Variants in GPA33 observed in about 807,000 individuals in gnomAD.
GPA33 encodes the protein glycoprotein A33, also known as cell surface A33 antigen.
In GPA33, 27 loss-of-function variants were observed where a neutral mutation model predicts 35.6. That is an observed-to-expected ratio of 0.76 (90% confidence interval 0.56 to 1.04). The LOEUF is 1.04. GPA33 is among the 50% of genes least tolerant of loss of function. The pLI is 0.00. For missense variants in GPA33, 428 were observed against 411.9 expected, an observed-to-expected ratio of 1.04 and a Z score of -0.34; for synonymous variants, 176 against 164.0, an observed-to-expected ratio of 1.07 and a Z score of -0.56.
intron 3 of GPA33, 100 bp from the exon 4 acceptor site, chr1:167,063,837 T>C: frequency 1.2e-6 from 1 of 805,224 alleles, no homozygotes; most frequent in South Asian, 1.7e-5. Flanking sequence ...TATACTGCCT[T>C]GTTTGTTCAC....
chr1:167,074,523 T>C (rs939451481), intron 1 of GPA33, among the ~76,000 whole-genome samples: 1 of 152,304 alleles, frequency 6.6e-6, no homozygotes, highest in African/African-American at 2.4e-5. Context: ...TGCAGATCCC[T>C]GCCCAAATTG....
chr1:167,083,854 G>C (rs1472993590), intron 1 of GPA33, among the ~76,000 whole-genome samples: 2 of 152,134 alleles, frequency 1.3e-5, no homozygotes, highest in African/African-American at 4.8e-5. Context: ...TTTCTTGGGG[G>C]TGTATGATTC....
intron 4 of GPA33, among the ~76,000 whole-genome samples, chr1:167,056,782 T>G (rs2102167768): frequency 1.6e-3 from 1 of 644 alleles, no homozygotes; most frequent in African/African-American, 6.7e-3. Context: ...GTGTGGCATG[T>G]GTAGTGTGGT....
At chr1:167,063,490 T>C (rs903857659) in intron 4 of GPA33, 92 bp downstream of exon 4, 1 of 1,163,326 alleles carries the variant, frequency 8.6e-7, no homozygotes, top group Non-Finnish European at 1.2e-6. Context: ...CAGGGGGATC[T>C]GATCGGTCAA....
intron 3 of GPA33, among the ~76,000 whole-genome samples, chr1:167,065,664 C>G (rs1309269816): frequency 6.6e-6 from 1 of 152,176 alleles, no homozygotes; most frequent in African/African-American, 2.4e-5. Flanking sequence ...CCCCTCTAGC[C>G]CAGCAGCCAC....
chr1:167,055,304 C>T (rs774019939), intron 5 of GPA33, among the ~76,000 whole-genome samples, 193 bp from the exon 6 acceptor site: 1 of 152,208 alleles, frequency 6.6e-6, no homozygotes, highest in Non-Finnish European at 1.5e-5. Flanking sequence ...TGGTCCACTT[C>T]ACATCTTAAC....
Position 167,068,120 on chromosome 1 carries a change from TATTA to T in GPA33, c.415+798_415+801del, listed in dbSNP as rs1666639231. 1.3e-4 allele frequency among the ~76,000 whole-genome samples: 20 copies of T among 150,658 alleles called. No individual in the cohort carries two copies. The South Asian group carries it at 4.1e-3, about 31-fold the overall frequency. On this transcript the variant is annotated intron_variant, in intron 3 of 6. Coordinates refer to ENST00000367868, the MANE Select transcript of GPA33 (RefSeq NM_005814.3). Reference sequence around the variant, plus strand: ...AAATAAATTTAATTTAAATTAAACATATTAATTAAAAATAAAATGCAATCAATTA... The same window carrying T: ...AAATAAATTTAATTTAAATTAAACATATTAAAAATAAAATGCAATCAATTA...
chr1:167,086,301 T>C (rs976300827), intron 1 of GPA33, among the ~76,000 whole-genome samples: 1 of 152,236 alleles, frequency 6.6e-6, no homozygotes, highest in African/African-American at 2.4e-5. Context: ...ACAGAGCAGA[T>C]GGTGGGCGGG....
intron 1 of GPA33, among the ~76,000 whole-genome samples, chr1:167,079,201 G>GA (rs1002268349): frequency 5.3e-5 from 8 of 152,102 alleles, no homozygotes; most frequent in African/African-American, 1.9e-4. Context: ...AGCTCATAAA[G>GA]AAAAAAACCA....
At chr1:167,067,527 T>A (rs1002293733) in intron 3 of GPA33, among the ~76,000 whole-genome samples, 2 of 152,146 alleles carry the variant, frequency 1.3e-5, no homozygotes, top group Non-Finnish European at 2.9e-5. Flanking sequence ...AATGCTTATG[T>A]GGAGGATTTC....
chr1:167,079,048 G>A (rs1380149810), intron 1 of GPA33, among the ~76,000 whole-genome samples: 3 of 152,088 alleles, frequency 2.0e-5, no homozygotes, highest in East Asian at 1.9e-4. Context: ...CACCATGGGT[G>A]AGCTGTCAAA....
chr1:167,063,756 A>G lies in GPA33; in HGVS notation c.416-19T>C. ...GGTGGCACTATATAGAGGAGAGACCAAAGAGAAGGCATGAGGCAGGTGGGG... is the reference window on the plus strand; with the variant it reads ...GGTGGCACTATATAGAGGAGAGACCGAAGAGAAGGCATGAGGCAGGTGGGG... On this transcript the variant is annotated intron_variant, in intron 3 of 6. Transcript: ENST00000367868. The G allele has an allele frequency of 6.2e-7, 1 of 1,605,730 alleles. No homozygotes were observed. Among genetic ancestry groups the G allele is most frequent in the Non-Finnish European group, 8.5e-7 (1 of 1,175,564 alleles).
chr1:167,088,476 G>T (rs1384380385), intron 1 of GPA33, among the ~76,000 whole-genome samples: 1 of 152,210 alleles, frequency 6.6e-6, no homozygotes, highest in Non-Finnish European at 1.5e-5. Context: ...AGGAAGAAAA[G>T]TTGGTGGGCA....
chr1:167,054,362 C>T lies in GPA33; in HGVS notation c.932G>A (p.Arg311His), dbSNP rs770285244. 35 of 1,613,990 alleles carry T rather than the reference C, an allele frequency of 2.2e-5. No individual in the cohort carries two copies. Among genetic ancestry groups the T allele is most frequent in the South Asian group, 1.3e-4 (12 of 91,094 alleles). ...CTGGTCGAGGTGGTCCGGGGATTCA[C>T]GCCCAGTGCTCCTCTGCTCTTCTTG... ...YRQEEQRSTGRESPDHLDQ is the reference protein window; with the variant it reads ...YRQEEQRSTGHESPDHLDQ Residue 311 changes from arginine to histidine, a missense_variant, in exon 7 of 7, where the codon CGT becomes CAT. Coordinates refer to ENST00000367868, the MANE Select transcript of GPA33 (RefSeq NM_005814.3).
intron 1 of GPA33, among the ~76,000 whole-genome samples, chr1:167,087,558 G>T (rs913723380): frequency 6.6e-6 from 1 of 152,118 alleles, no homozygotes; most frequent in Admixed American, 6.5e-5. Flanking sequence ...AGGGACGGGT[G>T]GAACATTTCC....
intron 6 of GPA33, among the ~76,000 whole-genome samples, chr1:167,054,738 AG>A (rs1666197700): frequency 6.6e-6 from 1 of 152,162 alleles, no homozygotes; most frequent in African/African-American, 2.4e-5. Context: ...ACTTGGCTCT[AG>A]TCATGCCACA....
intron 1 of GPA33, among the ~76,000 whole-genome samples, chr1:167,080,244 C>T (rs1310254282): frequency 2.6e-5 from 4 of 152,170 alleles, no homozygotes; most frequent in Non-Finnish European, 5.9e-5. Flanking sequence ...GAGCATCCAT[C>T]GGATAAGCTA....
chr1:167,080,420 A>G (rs1666901941), intron 1 of GPA33, among the ~76,000 whole-genome samples: 1 of 152,196 alleles, frequency 6.6e-6, no homozygotes, highest in Non-Finnish European at 1.5e-5. Context: ...CTTCCCAAGA[A>G]GAATTGATAA....
At chr1:167,082,001 G>A (rs989848332) in intron 1 of GPA33, among the ~76,000 whole-genome samples, 1 of 152,202 alleles carries the variant, frequency 6.6e-6, no homozygotes, top group Non-Finnish European at 1.5e-5. Context: ...AGTGTTAAGG[G>A]AGTGAGGTGT....
Sources: gnomAD v4.1 joint callset for allele counts (sites outside exome capture counted in the v4.1 genomes callset) on GRCh38, gnomAD v4.1.1 for gene constraint, MANE v1.5 for transcripts, NCBI Gene and HGNC (gene_info 2026-07-23, HGNC 2026-07-21) for gene names.